Variants in WDR37 observed in about 807,000 individuals in gnomAD.
WDR37 encodes the protein WD repeat domain 37.
Under a neutral mutation model 62.9 loss-of-function variants are expected in WDR37, and 19 were observed. That is an observed-to-expected ratio of 0.30 (90% CI 0.21 to 0.44). The LOEUF (loss-of-function observed/expected upper bound fraction) is 0.44. WDR37 is among the 20% of genes least tolerant of loss of function. The pLI, the probability that WDR37 is intolerant of heterozygous loss-of-function variation, is 1.00. For missense variants in WDR37, 474 were observed against 657.6 expected (o/e 0.72, Z 3.05); for synonymous variants, 250 against 260.9 (o/e 0.96, Z 0.40).
chr10:1,072,670 A>G (rs1190636298), intron 2 of WDR37, among the ~76,000 whole-genome samples: 2 of 131,636 alleles, frequency 1.5e-5, no homozygotes, highest in Non-Finnish European at 3.2e-5. Context: ...AAGTAGCCAA[A>G]TATATAAAGG....
At position 1,056,677 on chromosome 10, in the gene WDR37, G is replaced by C. The variant is rs963639193; in HGVS notation, c.-332G>C. 8 of 152,386 alleles carry C rather than the reference G, an allele frequency of 5.2e-5. No homozygotes were observed. The highest frequency in any genetic ancestry group is 2.0e-4 in the Admixed American group (3 of 15,306). 9.4% of individuals were successfully genotyped at this position (152,386 alleles called of 1,614,324 possible). On this transcript the variant is annotated 5_prime_UTR_variant, in exon 1 of 14. Transcript: ENST00000263150. ...GCCGAAGGGGTCTTCAGCGCGCCCA[G>C]ACCCCTCGGGGCTGCGGGGCGGAAG...
chr10:1,101,587 C>T (rs548000723), intron 9 of WDR37, among the ~76,000 whole-genome samples: 14 of 152,298 alleles, frequency 9.2e-5, no homozygotes, highest in Non-Finnish European at 1.3e-4. Context: ...CTGTTCCCTC[C>T]GCAGTTTGTT....
intron 11 of WDR37, among the ~76,000 whole-genome samples, chr10:1,123,378 T>G (rs565336333): frequency 6.6e-6 from 1 of 152,374 alleles, no homozygotes; most frequent in East Asian, 1.9e-4. Flanking sequence ...GCTTTTTCAT[T>G]ATCTCAAATG....
intron 7 of WDR37, among the ~76,000 whole-genome samples, chr10:1,092,645 A>G (rs1834434039): frequency 6.6e-6 from 1 of 151,494 alleles, no homozygotes; most frequent in Admixed American, 6.6e-5. Flanking sequence ...GGCGTGAGCC[A>G]GTGCGTCTGG....
At chr10:1,122,751 G>A (rs1485491583) in intron 11 of WDR37, among the ~76,000 whole-genome samples, 1 of 152,242 alleles carries the variant, frequency 6.6e-6, no homozygotes, top group Admixed American at 6.5e-5. Flanking sequence ...AAGTGCCAGA[G>A]ACTTTCCTTT....
At position 1,105,965 on chromosome 10, in the gene WDR37, T is replaced by G. The variant is rs1267829300; in HGVS notation, c.1103+698T>G. Among the ~76,000 whole-genome samples, 2 of 152,040 alleles carry G rather than the reference T, an allele frequency of 1.3e-5. No homozygotes were observed. The highest frequency in any genetic ancestry group is 4.8e-5 in the African/African-American group (2 of 41,402). ...CACGCCTGGCTAGTTTTTTGTATTT[T>G]TAGTAGAGATGGGGTTTCACCGTGA... On this transcript the variant is annotated intron_variant, in intron 11 of 13. Coordinates refer to ENST00000263150, the MANE Select transcript of WDR37 (RefSeq NM_014023.4). The surrounding 1 kb of genome is among the most constrained non-coding windows in gnomAD (Gnocchi z 5.3).
Position 1,072,387 on chromosome 10 carries a change from C to T in WDR37, c.138+94C>T, listed in dbSNP as rs370619495. The T allele has an allele frequency of 1.1e-3, 1,679 of 1,506,340 alleles. 2 individuals carry two copies. Among genetic ancestry groups the T allele is most frequent in the Non-Finnish European group, 1.3e-3 (1,493 of 1,107,894 alleles). 93.3% of individuals were successfully genotyped at this position (1,506,340 alleles called of 1,614,324 possible). ...GGCTGGAGTGCGATGGTGCGATCTCCGCTCACAACCTCCACCTCCTGGGTG... is the reference window on the plus strand; with the variant it reads ...GGCTGGAGTGCGATGGTGCGATCTCTGCTCACAACCTCCACCTCCTGGGTG... On this transcript the variant is annotated intron_variant, in intron 2 of 13. Transcript: ENST00000263150.
Position 1,103,683 on chromosome 10 carries a change from A to C in WDR37, c.808A>C (p.Ile270Leu). The change falls in exon 10 of 14, where the codon ATC becomes CTC. Residue 270 changes from isoleucine to leucine, a missense_variant. By Grantham distance (5) the Ile-to-Leu change is conservative. Transcript: ENST00000263150. The surrounding 1 kb of genome is among the most constrained non-coding windows in gnomAD (Gnocchi z 6.3). Reference protein sequence around the residue: ...DGDVSSDCPTIRVPLTSLKSH... With the variant: ...DGDVSSDCPTLRVPLTSLKSH... ...GGATGTGTCCAGCGACTGCCCCACC[A>C]TCCGCGTCCCACTGACATCCCTCAA... 2 of 1,614,226 alleles carry C rather than the reference A, an allele frequency of 1.2e-6. No individual in the cohort carries two copies. Among genetic ancestry groups the C allele is most frequent in the Non-Finnish European group, 1.7e-6 (2 of 1,180,038 alleles).
chr10:1,125,842 T>A (rs994107524), intron 13 of WDR37, among the ~76,000 whole-genome samples: 25 of 152,236 alleles, frequency 1.6e-4, no homozygotes, highest in Non-Finnish European at 8.8e-5. Context: ...AGTGAAGGGT[T>A]GCTCCTTGCT....
intron 1 of WDR37, 141 bp from the exon 2 acceptor site, chr10:1,071,970 CTTAAT>C (rs1256189804): frequency 1.8e-6 from 1 of 567,266 alleles, no homozygotes; most frequent in Non-Finnish European, 2.8e-6. Context: ...CTTAAAACAT[CTTAAT>C]TTGTCATATT....
At chr10:1,129,132 G>A (rs1835899443) in intron 13 of WDR37, 81 bp from the exon 14 acceptor site, 1 of 1,570,148 alleles carries the variant, frequency 6.4e-7, no homozygotes, top group African/African-American at 1.4e-5. Context: ...TTTGAGTGAT[G>A]TGGTTATTCA....
intron 10 of WDR37, among the ~76,000 whole-genome samples, chr10:1,104,596 A>G (rs1834943951): frequency 6.6e-6 from 1 of 152,202 alleles, no homozygotes; most frequent in Non-Finnish European, 1.5e-5. Flanking sequence ...ATAATGTATC[A>G]TAATTACCAG....
At chr10:1,090,123 C>G (rs764449585) in intron 7 of WDR37, among the ~76,000 whole-genome samples, 4 of 152,150 alleles carry the variant, frequency 2.6e-5, no homozygotes, top group Non-Finnish European at 5.9e-5. Flanking sequence ...CCCGCCACCA[C>G]GCCTGGCTAA....
At chr10:1,107,791 T>A (rs10903369) in intron 11 of WDR37, among the ~76,000 whole-genome samples, 1 of 151,894 alleles carries the variant, frequency 6.6e-6, no homozygotes, top group Admixed American at 6.6e-5. Flanking sequence ...GGTTCGCCTG[T>A]TGTATTGCAG....
At chr10:1,077,403 A>G (rs1019207516) in intron 2 of WDR37, among the ~76,000 whole-genome samples, 2 of 152,166 alleles carry the variant, frequency 1.3e-5, no homozygotes, top group Non-Finnish European at 2.9e-5. Context: ...TCCTCTTCAC[A>G]ACACTCTTTT....
chr10:1,068,426 C>T (rs2131610577), intron 1 of WDR37, among the ~76,000 whole-genome samples: 1 of 151,336 alleles, frequency 6.6e-6, no homozygotes, highest in Admixed American at 6.6e-5. Context: ...CACTGCACTC[C>T]AGCCTGGGCG....
At chr10:1,083,300 C>A (rs1211272212) in intron 5 of WDR37, among the ~76,000 whole-genome samples, 1 of 152,188 alleles carries the variant, frequency 6.6e-6, no homozygotes, top group Non-Finnish European at 1.5e-5. Flanking sequence ...GGAAGTTCTT[C>A]CTGTTACTGG....
chr10:1,102,403 T>C (rs1452493630), intron 9 of WDR37, among the ~76,000 whole-genome samples: 1 of 152,090 alleles, frequency 6.6e-6, no homozygotes. Flanking sequence ...CTATAAAAAA[T>C]ACTTGAGACA....
At chr10:1,060,789 A>G (rs896283183) in intron 1 of WDR37, among the ~76,000 whole-genome samples, 1 of 152,224 alleles carries the variant, frequency 6.6e-6, no homozygotes, top group African/African-American at 2.4e-5. Context: ...TAAGATTGTA[A>G]TACTCTATTT....
Sources: allele counts gnomAD v4.1 joint callset (sites outside exome capture counted in the v4.1 genomes callset), GRCh38; gene constraint gnomAD v4.1.1; non-coding constraint Gnocchi (gnomAD v3.1); transcripts MANE v1.5; gene names NCBI Gene and HGNC (gene_info 2026-07-23, HGNC 2026-07-21).